Variants in KCNAB2 observed in about 807,000 individuals in gnomAD.
KCNAB2 encodes the protein voltage-gated potassium channel subunit beta-2.
KCNAB2 carries 29 observed loss-of-function variants against 63.6 expected under a neutral mutation model. That is an observed-to-expected ratio of 0.46 (90% CI 0.34 to 0.62). The LOEUF (loss-of-function observed/expected upper bound fraction) is 0.62. Ranked by LOEUF, KCNAB2 falls within the 20% of genes least tolerant of loss-of-function variation. The pLI is 0.01. For synonymous variants in KCNAB2, 222 were observed against 224.2 expected (o/e 0.99, Z 0.09); for missense variants, 359 against 563.9 (o/e 0.64, Z 3.68).
chr1:6,050,113 C>T (rs1661261848), intron 1 of KCNAB2, among the ~76,000 whole-genome samples: 1 of 152,342 alleles, frequency 6.6e-6, no homozygotes, highest in East Asian at 1.9e-4. Context: ...GTGCTAAAGC[C>T]TCTGTAGCTG....
At chr1:6,065,266 G>T (rs2100614472) in intron 2 of KCNAB2, among the ~76,000 whole-genome samples, 1 of 152,374 alleles carries the variant, frequency 6.6e-6, no homozygotes. Context: ...CAGGCCTCAG[G>T]CCAGTCCTGG....
chr1:6,065,566 C>G (rs1000209261), intron 2 of KCNAB2, among the ~76,000 whole-genome samples: 3 of 152,200 alleles, frequency 2.0e-5, no homozygotes, highest in African/African-American at 7.2e-5. Flanking sequence ...GCGCAGCCCC[C>G]CAGGCCATCA....
intron 2 of KCNAB2, among the ~76,000 whole-genome samples, chr1:6,064,940 G>A (rs557989996): frequency 6.0e-4 from 91 of 152,344 alleles, no homozygotes; most frequent in African/African-American, 1.7e-3. Context: ...TATGTATTGA[G>A]CGTCTGCTGT....
chr1:6,031,647 G>A (rs1179169218), upstream of KCNAB2, among the ~76,000 whole-genome samples: 1 of 152,124 alleles, frequency 6.6e-6, no homozygotes, highest in African/African-American at 2.4e-5. This position sits in a 1 kb window ranked among gnomAD's most constrained non-coding sequence, Gnocchi z 4.1. Context: ...AACCCTTTGG[G>A]AGACTGAGGC....
chr1:6,082,634 C>T (rs1354538618), intron 5 of KCNAB2, among the ~76,000 whole-genome samples: 1 of 152,154 alleles, frequency 6.6e-6, no homozygotes. Flanking sequence ...GGCTGCAGGG[C>T]CTCAGAGCTG....
intron 8 of KCNAB2, among the ~76,000 whole-genome samples, chr1:6,090,080 G>A (rs1016002236): frequency 6.6e-6 from 1 of 152,240 alleles, no homozygotes; most frequent in Non-Finnish European, 1.5e-5. Context: ...TCATCTCCCT[G>A]TTGTAATACA....
chr1:6,018,199 A>C (rs1473096246), intron 1 of KCNAB2, among the ~76,000 whole-genome samples: 1 of 151,670 alleles, frequency 6.6e-6, no homozygotes, highest in Non-Finnish European at 1.5e-5. Flanking sequence ...CCAATCCCAA[A>C]GTGCTGGGAT....
In KCNAB2 at chr1:6,051,558, G is replaced by A. The variant is rs1166243528; in HGVS notation, c.22G>A (p.Glu8Lys). The change falls in exon 2 of 16, where the codon GAG becomes AAG. Residue 8 changes from glutamate to lysine, a missense_variant. Glu to Lys is a moderately conservative substitution (Grantham distance 56, BLOSUM62 1). Coordinates refer to ENST00000378083, the MANE Select transcript of KCNAB2 (RefSeq NM_001199862.2). Reference protein sequence around the residue: MLSMTYSESLRSVSSRCH... With the variant: MLSMTYSKSLRSVSSRCH... ...CACCATGCTGTCCATGACGTACAGCGAGAGTCTGCGGAGCGTGAGCAGCAG... is the reference window on the plus strand; with the variant it reads ...CACCATGCTGTCCATGACGTACAGCAAGAGTCTGCGGAGCGTGAGCAGCAG... 26 of 1,532,084 alleles carry A rather than the reference G, an allele frequency of 1.7e-5. No homozygotes were observed. Among genetic ancestry groups the A allele is most frequent in the Middle Eastern group, 1.7e-4 (1 of 5,840 alleles). The allele number at this position is 1,532,084 out of a possible 1,614,324, so 94.9% of individuals were successfully genotyped here.
At position 6,099,945 on chromosome 1, in the gene KCNAB2, C is replaced by T. The variant is rs1665921191; in HGVS notation, c.*1371C>T. 2 of 1,550,388 alleles carry T rather than the reference C, an allele frequency of 1.3e-6. No homozygotes were observed. The highest frequency in any genetic ancestry group is 2.0e-5 in the Admixed American group (1 of 50,988). On this transcript the variant is annotated 3_prime_UTR_variant, in exon 16 of 16. Transcript: ENST00000378083. Reference sequence around the variant, plus strand: ...CACCTACAGGCCCAGGCCTGTGTCCCAAGCAGTACCCAGGCTTTGCAGACC... The same window carrying T: ...CACCTACAGGCCCAGGCCTGTGTCCTAAGCAGTACCCAGGCTTTGCAGACC...
Position 6,070,256 on chromosome 1 carries a change from G to A in KCNAB2, c.219-2499G>A, listed in dbSNP as rs578134128. ...CAGGCTTTATCTGTTTTTGCAAAGG[G>A]GTTATGACCCCAAAGCAGCTGAGAG... On this transcript the variant is annotated intron_variant, in intron 2 of 15. Coordinates refer to ENST00000378083, the MANE Select transcript of KCNAB2 (RefSeq NM_001199862.2). Among the ~76,000 whole-genome samples, 29 of 152,318 alleles carry A rather than the reference G, an allele frequency of 1.9e-4. No individual in the cohort carries two copies. The East Asian group carries it at 5.6e-3, about 29-fold the overall frequency.
At chr1:6,010,032 A>G (rs1045321768) in intron 1 of KCNAB2, among the ~76,000 whole-genome samples, 3 of 151,838 alleles carry the variant, frequency 2.0e-5, no homozygotes, top group Non-Finnish European at 4.4e-5. Context: ...CACCACACCC[A>G]GCTAATTTTT....
chr1:6,009,915 G>A (rs1444276398), intron 1 of KCNAB2, among the ~76,000 whole-genome samples: 1 of 150,670 alleles, frequency 6.6e-6, no homozygotes, highest in Non-Finnish European at 1.5e-5. Flanking sequence ...CTGCCGCCCA[G>A]GCTGGAATGC....
intron 1 of KCNAB2, among the ~76,000 whole-genome samples, chr1:5,999,611 C>T (rs1290860617): frequency 1.3e-5 from 2 of 152,170 alleles, no homozygotes; most frequent in Non-Finnish European, 2.9e-5. Flanking sequence ...TTCATCCTCC[C>T]GTGTGTGGCA....
intron 1 of KCNAB2, 148 bp downstream of exon 1, chr1:6,046,331 A>G: frequency 2.3e-6 from 1 of 435,984 alleles, no homozygotes; most frequent in Non-Finnish European, 3.1e-6. Flanking sequence ...TGCAAAGCAG[A>G]AGACCTTAAA....
At chr1:6,020,777 T>C (rs1326331211) in intron 1 of KCNAB2, among the ~76,000 whole-genome samples, 4 of 152,214 alleles carry the variant, frequency 2.6e-5, no homozygotes, top group African/African-American at 7.2e-5. Context: ...AGTGATTCTC[T>C]TGCTTCAGCC....
At chr1:6,004,871 T>G (rs1657466286) in intron 1 of KCNAB2, among the ~76,000 whole-genome samples, 2 of 149,794 alleles carry the variant, frequency 1.3e-5, no homozygotes, top group South Asian at 4.2e-4. Flanking sequence ...TCTGGCTGCT[T>G]CTTCCTCATC....
At chr1:6,097,867 AT>A (rs1299761018) in intron 15 of KCNAB2, 1 of 208,370 alleles carries the variant, frequency 4.8e-6, no homozygotes, top group African/African-American at 2.3e-5. Flanking sequence ...CCGTGGCAAA[AT>A]TGTGGGCAGA....
intron 5 of KCNAB2, 52 bp downstream of exon 5, chr1:6,082,326 C>T (rs747058455): frequency 2.4e-5 from 34 of 1,404,898 alleles, no homozygotes; most frequent in African/African-American, 4.3e-5. Flanking sequence ...TGGGCAGAGC[C>T]GGAGCTACAG....
At chr1:6,039,294 G>C (rs71509037) in intron 1 of KCNAB2, among the ~76,000 whole-genome samples, 2 of 152,318 alleles carry the variant, frequency 1.3e-5, no homozygotes, top group East Asian at 3.9e-4. Context: ...GCAGTGCCTA[G>C]GAGTGGGAGG....
Sources: gnomAD v4.1 joint callset for allele counts (sites outside exome capture counted in the v4.1 genomes callset) on GRCh38, gnomAD v4.1.1 for gene constraint, Gnocchi (gnomAD v3.1) non-coding constraint, MANE v1.5 for transcripts, NCBI Gene and HGNC (gene_info 2026-07-23, HGNC 2026-07-21) for gene names.